The following NPAS3 variants were observed in gnomAD, a reference collection of about 807,000 sequenced individuals.
NPAS3 encodes the protein neuronal PAS domain-containing protein 3.
In NPAS3, 14 loss-of-function variants were observed where a neutral mutation model predicts 73.1. That is an observed-to-expected ratio of 0.19 (90% CI 0.13 to 0.30). The LOEUF is 0.30. NPAS3 is among the 10% of genes least tolerant of loss of function. The pLI, the probability that NPAS3 is intolerant of heterozygous loss-of-function variation, is 1.00. For synonymous variants in NPAS3, 620 were observed against 541.5 expected, an observed-to-expected ratio of 1.14 and a Z score of -2.01; for missense variants, 1,096 against 1,250.0, an observed-to-expected ratio of 0.88 and a Z score of 1.86.
chr14:33,683,971 C>T (rs539882744), intron 6 of NPAS3, among the ~76,000 whole-genome samples: 1 of 152,278 alleles, frequency 6.6e-6, no homozygotes, highest in Non-Finnish European at 1.5e-5. Flanking sequence ...TTATCCTTGT[C>T]TTACAGCTGG....
At chr14:33,744,661 C>A (rs1257380903) in intron 7 of NPAS3, among the ~76,000 whole-genome samples, 1 of 151,966 alleles carries the variant, frequency 6.6e-6, no homozygotes, top group African/African-American at 2.4e-5. Flanking sequence ...ATAGTGGTGC[C>A]TGCCTGTGGT....
intron 1 of NPAS3, among the ~76,000 whole-genome samples, chr14:33,004,127 A>T (rs976829888): frequency 6.6e-6 from 1 of 152,232 alleles, no homozygotes; most frequent in Non-Finnish European, 1.5e-5. Flanking sequence ...TAGAACAGAC[A>T]TGTAGAAAAC....
intron 1 of NPAS3, among the ~76,000 whole-genome samples, chr14:33,004,802 T>C (rs1189310468): frequency 6.7e-6 from 1 of 148,746 alleles, no homozygotes; most frequent in Non-Finnish European, 1.5e-5. Context: ...CTTTTTTCTA[T>C]TGTAAAAAGT....
chr14:33,070,407 G>A (rs1566527917), intron 2 of NPAS3, among the ~76,000 whole-genome samples: 1 of 152,072 alleles, frequency 6.6e-6, no homozygotes, highest in African/African-American at 2.4e-5. Flanking sequence ...TAGTGTCAGA[G>A]GTAGTTTGAA....
chr14:33,394,457 A>G (rs541673684), intron 4 of NPAS3, among the ~76,000 whole-genome samples: 4 of 152,318 alleles, frequency 2.6e-5, no homozygotes, highest in Middle Eastern at 3.4e-3. Context: ...AACGTATCAA[A>G]TGAGCAAAGA....
intron 2 of NPAS3, among the ~76,000 whole-genome samples, chr14:33,205,697 T>C (rs2046796107): frequency 6.6e-6 from 1 of 152,176 alleles, no homozygotes; most frequent in Admixed American, 6.6e-5. Context: ...GGATGAAGTA[T>C]AATGGTGTGT....
At chr14:33,599,275 A>G (rs901242190) in intron 5 of NPAS3, among the ~76,000 whole-genome samples, 4 of 152,238 alleles carry the variant, frequency 2.6e-5, no homozygotes, top group African/African-American at 4.8e-5. Context: ...ATTTATAATC[A>G]GACAAGAAGA....
chr14:33,456,514 T>C (rs1314492927), intron 4 of NPAS3, among the ~76,000 whole-genome samples: 1 of 152,132 alleles, frequency 6.6e-6, no homozygotes, highest in African/African-American at 2.4e-5. Flanking sequence ...TTGGGCACGA[T>C]AACATTAGAA....
At chr14:33,344,618 A>G (rs182777982) in intron 3 of NPAS3, among the ~76,000 whole-genome samples, 29 of 152,344 alleles carry the variant, frequency 1.9e-4, no homozygotes, top group Admixed American at 6.5e-4. Flanking sequence ...CTATACCTTC[A>G]TTTTTAACTC....
chr14:33,348,609 G>GT (rs1411771200), intron 3 of NPAS3, among the ~76,000 whole-genome samples: 1 of 152,122 alleles, frequency 6.6e-6, no homozygotes, highest in African/African-American at 2.4e-5. Context: ...AGTTTTGTCT[G>GT]TTTTTTAAAG....
intron 3 of NPAS3, among the ~76,000 whole-genome samples, chr14:33,305,591 C>T (rs7152056): frequency 0.23 from 34,525 of 151,842 alleles, 4,022 homozygotes; most frequent in Middle Eastern, 0.25. Flanking sequence ...ATTTACTATA[C>T]CTAGTATATT....
At chr14:33,542,130 T>C (rs144375546) in intron 4 of NPAS3, among the ~76,000 whole-genome samples, 2 of 152,296 alleles carry the variant, frequency 1.3e-5, no homozygotes, top group East Asian at 1.9e-4. Flanking sequence ...CCAGAAACTC[T>C]TCATGGCTTT....
chr14:33,036,486 CT>C (rs2040173282), intron 1 of NPAS3, among the ~76,000 whole-genome samples: 1 of 152,082 alleles, frequency 6.6e-6, no homozygotes. Flanking sequence ...AAGAAAAAAG[CT>C]GAAGAAGGCA....
At chr14:33,516,591 A>G (rs1408073221) in intron 4 of NPAS3, among the ~76,000 whole-genome samples, 2 of 152,160 alleles carry the variant, frequency 1.3e-5, no homozygotes, top group South Asian at 2.1e-4. Context: ...GGCAAGTTCT[A>G]TAACCTCTCT....
At chr14:33,026,678 C>T (rs956142977) in intron 1 of NPAS3, among the ~76,000 whole-genome samples, 14 of 152,096 alleles carry the variant, frequency 9.2e-5, no homozygotes, top group African/African-American at 3.4e-4. Context: ...GTCCTTTTTA[C>T]TCTTCCTTCC....
intron 3 of NPAS3, among the ~76,000 whole-genome samples, chr14:33,255,033 G>A (rs558793004): frequency 7.2e-5 from 11 of 152,118 alleles, no homozygotes; most frequent in Non-Finnish European, 1.0e-4. Flanking sequence ...TTAAGGATAC[G>A]TTGGCCAGGA....
At chr14:33,529,168 C>T (rs1263604747) in intron 4 of NPAS3, among the ~76,000 whole-genome samples, 3 of 152,072 alleles carry the variant, frequency 2.0e-5, no homozygotes, top group African/African-American at 7.2e-5. Context: ...CTCTGGCCAC[C>T]ACACTGTAGA....
At position 33,750,795 on chromosome 14, in the gene NPAS3, G is replaced by A. The variant is rs140149373; in HGVS notation, c.852+15463G>A. ...CTTGATCCAGAGAGCAGAGTCTAGA[G>A]TTAGGCAGGCACACAAAGAAATGAT... On this transcript the variant is annotated intron_variant, in intron 7 of 11. Transcript: ENST00000356141. 7.2e-5 allele frequency among the ~76,000 whole-genome samples: 11 copies of A among 152,298 alleles called. No homozygotes were observed. The East Asian group carries it at 1.9e-3, about 27-fold the overall frequency.
chr14:33,519,538 T>A (rs2053464206), intron 4 of NPAS3, among the ~76,000 whole-genome samples: 1 of 152,024 alleles, frequency 6.6e-6, no homozygotes, highest in Non-Finnish European at 1.5e-5. Context: ...CAAATCAGGG[T>A]TTGCTGCGTA....
Sources: gnomAD v4.1 joint callset for allele counts (sites outside exome capture counted in the v4.1 genomes callset) on GRCh38, gnomAD v4.1.1 for gene constraint, MANE v1.5 for transcripts, NCBI Gene and HGNC (gene_info 2026-07-23, HGNC 2026-07-21) for gene names.